RGS20: variants seen among roughly 807,000 people sequenced by gnomAD.
RGS20 encodes the protein regulator of G protein signaling 20, also known as gz-selective GTPase-activating protein.
In RGS20, 30 loss-of-function variants were observed where a neutral mutation model predicts 33.6. That is an observed-to-expected ratio of 0.89 (90% CI 0.67 to 1.21). RGS20 has a LOEUF of 1.21. Among genes scored for constraint, RGS20 ranks in the 50% most tolerant of loss-of-function variants. The probability of loss-of-function intolerance (pLI) is 0.00; values close to 1 mark genes in which losing one functional copy is unlikely to be tolerated. For synonymous variants in RGS20, 208 were observed against 197.9 expected (o/e 1.05, Z -0.43); for missense variants, 472 against 502.4 (o/e 0.94, Z 0.58).
chr8:53,951,811 G>A (rs1005777450), intron 4 of RGS20, among the ~76,000 whole-genome samples: 6 of 151,908 alleles, frequency 3.9e-5, no homozygotes, highest in African/African-American at 1.4e-4. Context: ...GAGGTAGGGA[G>A]TTTGAGGCCA....
At chr8:53,869,919 T>C (rs1304371614) in intron 1 of RGS20, among the ~76,000 whole-genome samples, 3 of 152,018 alleles carry the variant, frequency 2.0e-5, no homozygotes, top group African/African-American at 4.8e-5. Context: ...TCCTTTGCAA[T>C]GGCCAGGACT....
Position 53,879,372 on chromosome 8 carries a change from C to A in RGS20, c.280C>A (p.Pro94Thr). Reference sequence around the variant, plus strand: ...CTTCTCTCACCTTCTCCGGCGACCCCCTCCCGAGGCTCCCCGGAGGCGCCT... The same window carrying A: ...CTTCTCTCACCTTCTCCGGCGACCCACTCCCGAGGCTCCCCGGAGGCGCCT... The change falls in exon 2 of 6, where the codon CCT (proline) becomes ACT (threonine). Residue 94 changes from proline to threonine, a missense_variant. Pro to Thr is a conservative substitution (Grantham distance 38). Transcript: ENST00000297313. 2 of 1,611,630 alleles carry A rather than the reference C, an allele frequency of 1.2e-6. No individual in the cohort carries two copies. Among genetic ancestry groups the A allele is most frequent in the South Asian group, 1.1e-5 (1 of 91,074 alleles).
At chr8:53,946,354 C>G (rs147783280) in intron 3 of RGS20, among the ~76,000 whole-genome samples, 3 of 152,062 alleles carry the variant, frequency 2.0e-5, no homozygotes, top group African/African-American at 4.8e-5. Flanking sequence ...TGAGCCACCG[C>G]GCCGAACCCT....
rs757532060 is a variant in RGS20, at chr8:53,954,198, T to A, written c.866T>A (p.Met289Lys). Residue 289 changes from methionine to lysine, a missense_variant, in exon 5 of 6, where the codon ATG becomes AAG. Met to Lys is a moderately conservative substitution (Grantham distance 95). This residue lies in a region of RGS20 where 125 missense variants were observed against 169.5 expected (regional missense o/e 0.74). Coordinates refer to ENST00000297313, the MANE Select transcript of RGS20 (RefSeq NM_170587.4). ...CGAACAGAATTCAGTGAGGAAAATATGCTCTTCTGGATGGCCTGTGAGGAA... is the reference window on the plus strand; with the variant it reads ...CGAACAGAATTCAGTGAGGAAAATAAGCTCTTCTGGATGGCCTGTGAGGAA... The A allele has an allele frequency of 3.1e-6, 5 of 1,613,934 alleles. No homozygotes were observed. Among genetic ancestry groups the A allele is most frequent in the Non-Finnish European group, 4.2e-6 (5 of 1,179,902 alleles).
At position 53,931,731 on chromosome 8, in the gene RGS20, T is replaced by C. The variant is rs116861396; in HGVS notation, c.511-7845T>C. Among the ~76,000 whole-genome samples, 315 of 152,226 alleles carry C rather than the reference T, an allele frequency of 2.1e-3. 10 individuals carry two copies. The East Asian group carries it at 0.041, about 20-fold the overall frequency. ...AATCTCATTGGGACTGGTTAGACAG[T>C]TGGGTGCAGCCCACGGAGGGTGAGC... On this transcript the variant is annotated intron_variant, in intron 2 of 5. Coordinates refer to ENST00000297313, the MANE Select transcript of RGS20 (RefSeq NM_170587.4).
At chr8:53,901,518 C>CTA in intron 2 of RGS20, among the ~76,000 whole-genome samples, 1 of 152,308 alleles carries the variant, frequency 6.6e-6, no homozygotes, top group African/African-American at 2.4e-5. Flanking sequence ...AGGTAGGTGT[C>CTA]TCTGCTGTCT....
intron 1 of RGS20, among the ~76,000 whole-genome samples, chr8:53,862,700 G>A (rs1190003462): frequency 2.0e-5 from 3 of 152,300 alleles, no homozygotes; most frequent in African/African-American, 7.2e-5. Flanking sequence ...TCAGGAGGCT[G>A]AGGCATGAGG....
intron 2 of RGS20, among the ~76,000 whole-genome samples, chr8:53,903,570 TTGGTGA>T (rs1231174526): frequency 6.6e-6 from 1 of 152,216 alleles, no homozygotes; most frequent in African/African-American, 2.4e-5. Flanking sequence ...CTCTGCAGCC[TTGGTGA>T]TGTCACTTAC....
rs1811572883 is a variant in RGS20 at position 53,851,930 on chromosome 8, T to C, written c.31T>C (p.Cys11Arg). The change falls in exon 1 of 6, where the codon TGC (cysteine) becomes CGC (arginine). Residue 11 changes from cysteine to arginine, a missense_variant. By Grantham distance (180) the Cys-to-Arg change is radical. This residue lies in a region of RGS20 where 28 missense variants were observed against 49.6 expected (regional missense o/e 0.57). Transcript: ENST00000297313. ...CCAGCTTTCCCAAGATAACCAAGAG[T>C]GCCTCCAGAAACATTTCTCCAGGCC... The C allele has an allele frequency of 1.2e-6, 2 of 1,614,038 alleles. No homozygotes were observed. The highest frequency in any genetic ancestry group is 1.7e-6 in the Non-Finnish European group (2 of 1,179,970).
intron 3 of RGS20, among the ~76,000 whole-genome samples, chr8:53,942,111 T>C (rs1814315056): frequency 6.6e-6 from 1 of 151,976 alleles, no homozygotes; most frequent in African/African-American, 2.4e-5. Flanking sequence ...TCGTTTCTAC[T>C]AAAAATACAA....
At chr8:53,868,350 T>C (rs540121711) in intron 1 of RGS20, among the ~76,000 whole-genome samples, 22 of 152,242 alleles carry the variant, frequency 1.4e-4, no homozygotes, top group African/African-American at 5.3e-4. Flanking sequence ...TCAGCATCAG[T>C]TAACAATGAC....
chr8:53,863,588 T>C (rs1241836077), intron 1 of RGS20, among the ~76,000 whole-genome samples: 3 of 152,166 alleles, frequency 2.0e-5, no homozygotes, highest in African/African-American at 7.2e-5. Flanking sequence ...AGCTCAGTGA[T>C]ATCACCCTTT....
intron 2 of RGS20, among the ~76,000 whole-genome samples, chr8:53,917,197 G>T (rs1199663790): frequency 1.3e-5 from 2 of 152,100 alleles, no homozygotes; most frequent in Non-Finnish European, 2.9e-5. Flanking sequence ...GCCCAGGCTG[G>T]AGTGCAGTGG....
At chr8:53,939,091 C>T (rs936376411) in intron 2 of RGS20, among the ~76,000 whole-genome samples, 1 of 152,234 alleles carries the variant, frequency 6.6e-6, no homozygotes, top group African/African-American at 2.4e-5. Flanking sequence ...GACTCACCTC[C>T]TCTTCTGACC....
chr8:53,902,888 G>A (rs973572094), intron 2 of RGS20, among the ~76,000 whole-genome samples: 4 of 152,130 alleles, frequency 2.6e-5, no homozygotes, highest in African/African-American at 9.7e-5. Flanking sequence ...ACCATGCTCG[G>A]TTAATTTCTG....
intron 2 of RGS20, among the ~76,000 whole-genome samples, chr8:53,890,748 A>G (rs998317546): frequency 3.4e-4 from 51 of 152,124 alleles, no homozygotes; most frequent in Non-Finnish European, 5.9e-4. Context: ...TCCCACTTCA[A>G]CCTCCTGAGT....
intron 2 of RGS20, among the ~76,000 whole-genome samples, chr8:53,924,056 T>C (rs370241261): frequency 2.6e-5 from 4 of 152,100 alleles, no homozygotes; most frequent in African/African-American, 9.7e-5. Context: ...CTTGCTGTGT[T>C]GCCCAGGCCG....
At chr8:53,938,386 G>A (rs1183871719) in intron 2 of RGS20, among the ~76,000 whole-genome samples, 1 of 152,180 alleles carries the variant, frequency 6.6e-6, no homozygotes, top group Non-Finnish European at 1.5e-5. Flanking sequence ...CCTGTCAGTG[G>A]ATGGGGGACT....
intron 5 of RGS20, 112 bp downstream of exon 4, chr8:53,954,422 G>C (rs930135828): frequency 4.9e-5 from 34 of 689,484 alleles, no homozygotes. Context: ...CCAGCACTTT[G>C]GGAGGCTGAG....
Sources: allele counts gnomAD v4.1 joint callset (sites outside exome capture counted in the v4.1 genomes callset), GRCh38; gene constraint gnomAD v4.1.1; regional missense constraint gnomAD v4.1.1; transcripts MANE v1.5; gene names NCBI Gene and HGNC (gene_info 2026-07-23, HGNC 2026-07-21).